BCHE: variants seen among roughly 807,000 people sequenced by gnomAD.
BCHE encodes the protein butyrylcholinesterase, also known as cholinesterase.
A neutral mutation model predicts 51.3 loss-of-function variants in BCHE; 48 were observed. The observed-to-expected ratio is 0.94, with a 90% confidence interval of 0.74 to 1.19. The LOEUF is 1.19. Among genes scored for constraint, BCHE ranks in the 50% most tolerant of loss-of-function variants. The pLI, the probability that BCHE is intolerant of heterozygous loss-of-function variation, is 0.00. For synonymous variants in BCHE, 251 were observed against 238.0 expected, an observed-to-expected ratio of 1.05 and a Z score of -0.50; for missense variants, 847 against 708.2, an observed-to-expected ratio of 1.20 and a Z score of -2.23.
At chr3:165,795,732 T>C (rs970026748) in intron 2 of BCHE, among the ~76,000 whole-genome samples, 1 of 152,132 alleles carries the variant, frequency 6.6e-6, no homozygotes, top group African/African-American at 2.4e-5. Flanking sequence ...AGGATTATAA[T>C]AGCATACCTT....
chr3:165,816,084 A>G (rs1026015566), intron 2 of BCHE, among the ~76,000 whole-genome samples: 7 of 151,874 alleles, frequency 4.6e-5, no homozygotes, highest in African/African-American at 1.5e-4. Context: ...AGGTTTCAAT[A>G]TGACCTTTTC....
At chr3:165,782,206 T>C (rs1259142033) in intron 3 of BCHE, among the ~76,000 whole-genome samples, 2 of 152,166 alleles carry the variant, frequency 1.3e-5, no homozygotes. Flanking sequence ...TCAATAATAA[T>C]ATCCTTTTTA....
chr3:165,798,328 G>A lies in BCHE; in HGVS notation c.1518-12017C>T, dbSNP rs544813130. On this transcript the variant is annotated intron_variant, in intron 2 of 3. Coordinates refer to ENST00000264381, the MANE Select transcript of BCHE (RefSeq NM_000055.4). ...TTCTAAACAACTGGTGTGGATGTTG[G>A]CTAAGATATTTTGAGGTTGTTTGAG... is the stretch of plus-strand genomic sequence containing the variant. 2.0e-5 allele frequency among the ~76,000 whole-genome samples: 3 copies of A among 152,110 alleles called. No individual in the cohort carries two copies. In the South Asian group the frequency reaches 6.2e-4, roughly 32 times the overall value.
intron 2 of BCHE, among the ~76,000 whole-genome samples, chr3:165,822,081 T>G (rs551948977): frequency 6.6e-6 from 1 of 152,100 alleles, no homozygotes; most frequent in East Asian, 1.9e-4. Flanking sequence ...GTTAAGTAGC[T>G]TGTGATTTTA....
Position 165,830,198 on chromosome 3 carries a change from C to T in BCHE, c.836G>A (p.Gly279Asp). The part of the protein sequence containing the change: ...NRTLNLAKLT[G>D]CSRENETEII... ...TTCAGTCTCATTCTCTCTAGAGCAA[C>T]CAGTCAATTTAGCTAAGTTCAACGT... Residue 279 changes from glycine (G) to aspartate (D), a missense_variant, in exon 2 of 4, where the codon GGT becomes GAT. Physicochemically the swap from Gly to Asp is moderately conservative, Grantham distance 94 (BLOSUM62 -1). Coordinates refer to ENST00000264381, the MANE Select transcript of BCHE (RefSeq NM_000055.4). The T allele has an allele frequency of 6.2e-7, 1 of 1,613,918 alleles. No individual in the cohort carries two copies. The highest frequency in any genetic ancestry group is 8.5e-7 in the Non-Finnish European group (1 of 1,179,906).
intron 2 of BCHE, among the ~76,000 whole-genome samples, chr3:165,827,745 C>A (rs2108233001): frequency 6.6e-6 from 1 of 151,992 alleles, no homozygotes; most frequent in South Asian, 2.1e-4. Flanking sequence ...TGGATAAAGT[C>A]TTGAGGGAGA....
rs771781499 is a variant in BCHE, at chr3:165,829,719, C to T, written c.1315G>A (p.Glu439Lys). The T allele has an allele frequency of 6.2e-7, 1 of 1,613,782 alleles. No homozygotes were observed. The highest frequency in any genetic ancestry group is 1.3e-5 in the African/African-American group (1 of 74,872). Residue 439 changes from glutamate (E) to lysine (K), a missense_variant, in exon 2 of 4, where the codon GAA becomes AAA. Glu to Lys is a moderately conservative substitution (Grantham distance 56). Coordinates refer to ENST00000264381, the MANE Select transcript of BCHE (RefSeq NM_000055.4). Reference sequence around the variant, plus strand: ...TAGAAAAAGGCATTATTTCCCCATTCTGAGAACTTCTTGGTGAACTCCAAG... The same window carrying T: ...TAGAAAAAGGCATTATTTCCCCATTTTGAGAACTTCTTGGTGAACTCCAAG... The part of the protein sequence containing the change: ...PALEFTKKFS[E>K]WGNNAFFYYF...
intron 2 of BCHE, among the ~76,000 whole-genome samples, chr3:165,812,105 A>G (rs1714123515): frequency 6.6e-6 from 1 of 152,010 alleles, no homozygotes; most frequent in Non-Finnish European, 1.5e-5. Context: ...TCAGGAATAA[A>G]CAAGTTTATA....
chr3:165,797,286 C>CTCCCTCCCCCCTCCCTTCCT (rs1713444450), intron 2 of BCHE, among the ~76,000 whole-genome samples: 1 of 10,356 alleles, frequency 9.7e-5, no homozygotes, highest in Non-Finnish European at 2.1e-4. Flanking sequence ...TCCTTCCTCC[C>CTCCCTCCCCCCTCCCTTCCT]TCCTTCCTCC....
chr3:165,831,846 G>A (rs1336579112), intron 1 of BCHE, among the ~76,000 whole-genome samples: 2 of 152,068 alleles, frequency 1.3e-5, no homozygotes, highest in Admixed American at 6.6e-5. Context: ...GAGAACCAGG[G>A]GCTAGCATTA....
chr3:165,799,061 T>G (rs2108212611), intron 2 of BCHE, among the ~76,000 whole-genome samples: 1 of 152,308 alleles, frequency 6.6e-6, no homozygotes, highest in Non-Finnish European at 1.5e-5. Context: ...AAAACATATC[T>G]ATATCATCTG....
At chr3:165,815,685 A>G (rs949632320) in intron 2 of BCHE, among the ~76,000 whole-genome samples, 15 of 152,084 alleles carry the variant, frequency 9.9e-5, no homozygotes, top group African/African-American at 3.4e-4. Flanking sequence ...AGGCTAAATT[A>G]TTATTATTCT....
At chr3:165,787,414 A>C (rs1299682033) in intron 2 of BCHE, among the ~76,000 whole-genome samples, 3 of 151,844 alleles carry the variant, frequency 2.0e-5, no homozygotes, top group Admixed American at 2.0e-4. Context: ...GGGAATTTAT[A>C]AGCAAGAAAA....
chr3:165,824,036 CA>C (rs1714626975), intron 2 of BCHE, among the ~76,000 whole-genome samples: 1 of 151,602 alleles, frequency 6.6e-6, no homozygotes, highest in African/African-American at 2.4e-5. Flanking sequence ...CTTGGCTTCC[CA>C]AAGTGGTGGG....
At chr3:165,819,752 C>G (rs1714444651) in intron 2 of BCHE, among the ~76,000 whole-genome samples, 1 of 123,884 alleles carries the variant, frequency 8.1e-6, no homozygotes, top group Non-Finnish European at 1.8e-5. Flanking sequence ...AATAAATAAT[C>G]ATTAGCCTGA....
intron 2 of BCHE, among the ~76,000 whole-genome samples, chr3:165,806,425 T>C (rs1713866491): frequency 6.6e-6 from 1 of 152,210 alleles, no homozygotes; most frequent in African/African-American, 2.4e-5. Flanking sequence ...TAGTTCTCAT[T>C]ATGTGGTTTG....
chr3:165,829,580 G>C lies in BCHE; in HGVS notation c.1454C>G (p.Thr485Arg). ...TCTACTCAAAATTTCCTCGGCTTTT[G>C]TGTAATTATCTCTTCTTTCCAGAGG... ...GLPLERRDNY[T>R]KAEEILSRSI... is the part of the protein sequence containing the mutation. Residue 485 changes from threonine to arginine, a missense_variant, in exon 2 of 4, where the codon ACA becomes AGA. Transcript: ENST00000264381. The C allele has an allele frequency of 1.2e-6, 2 of 1,613,736 alleles. No homozygotes were observed. Among genetic ancestry groups the C allele is most frequent in the Non-Finnish European group, 1.7e-6 (2 of 1,179,840 alleles).
intron 3 of BCHE, among the ~76,000 whole-genome samples, chr3:165,785,205 G>A (rs928035853): frequency 9.9e-5 from 15 of 151,836 alleles, no homozygotes; most frequent in African/African-American, 3.1e-4. Context: ...AACATCTACT[G>A]TATTATGATA....
At chr3:165,786,904 T>G (rs919030807) in intron 2 of BCHE, among the ~76,000 whole-genome samples, 1 of 151,836 alleles carries the variant, frequency 6.6e-6, no homozygotes, top group African/African-American at 2.4e-5. Flanking sequence ...GGTTTCATAT[T>G]AAGGTTAATG....
Sources: gnomAD v4.1 joint callset for allele counts (sites outside exome capture counted in the v4.1 genomes callset) on GRCh38, gnomAD v4.1.1 for gene constraint, MANE v1.5 for transcripts, NCBI Gene and HGNC (gene_info 2026-07-23, HGNC 2026-07-21) for gene names.